The following SOS1 variants were observed in gnomAD, a reference collection of about 807,000 sequenced individuals.
SOS1 encodes SOS Ras/Rac guanine nucleotide exchange factor 1, also known as son of sevenless homolog 1.
Under a neutral mutation model 157.6 loss-of-function variants are expected in SOS1, and 25 were observed. That is an observed-to-expected ratio of 0.16 (90% CI 0.12 to 0.22). SOS1 has a LOEUF of 0.22. Ranked by LOEUF, SOS1 falls within the 10% of genes least tolerant of loss-of-function variation. The probability of loss-of-function intolerance (pLI) is 1.00; values close to 1 mark genes in which losing one functional copy is unlikely to be tolerated. For synonymous variants in SOS1, 528 were observed against 534.0 expected (o/e 0.99, Z 0.16); for missense variants, 1,237 against 1,599.1 (o/e 0.77, Z 3.86).
intron 15 of SOS1, 130 bp downstream of exon 15, chr2:39,010,454 G>A (rs1002878175): frequency 1.7e-5 from 13 of 771,470 alleles, no homozygotes; most frequent in African/African-American, 1.0e-4. Context: ...TCAGTGGGCC[G>A]ATGTGCCACT....
chr2:39,021,252 G>A (rs1179754365), intron 10 of SOS1, among the ~76,000 whole-genome samples: 1 of 151,452 alleles, frequency 6.6e-6, no homozygotes, highest in African/African-American at 2.4e-5. Flanking sequence ...GTATCAGCTT[G>A]TTCCAGTTAA....
intron 2 of SOS1, among the ~76,000 whole-genome samples, chr2:39,064,865 C>T (rs1671541103): frequency 6.9e-6 from 1 of 144,766 alleles, no homozygotes; most frequent in African/African-American, 2.6e-5. Context: ...TCTCCTGCCT[C>T]AGCTCCCAAG....
chr2:39,007,324 A>T, intron 15 of SOS1, 131 bp from the exon 16 acceptor site: 1 of 657,568 alleles, frequency 1.5e-6, no homozygotes. Context: ...TAGAGAAGAC[A>T]CATTCAGGGT....
At chr2:39,065,394 T>C (rs1046193385) in intron 2 of SOS1, among the ~76,000 whole-genome samples, 52 of 152,320 alleles carry the variant, frequency 3.4e-4, no homozygotes, top group African/African-American at 1.2e-3. Flanking sequence ...TCCAACTTTA[T>C]GGTTTACATT....
At chr2:39,074,565 T>A (rs892025738) in intron 1 of SOS1, among the ~76,000 whole-genome samples, 1 of 151,046 alleles carries the variant, frequency 6.6e-6, no homozygotes, top group African/African-American at 2.4e-5. Flanking sequence ...ATAAATAAAA[T>A]AAACTAAAAA....
intron 17 of SOS1, 131 bp downstream of exon 17, chr2:39,006,281 T>C: frequency 1.4e-6 from 1 of 707,148 alleles, no homozygotes; most frequent in South Asian, 1.6e-5. Flanking sequence ...CTAAAGGGCT[T>C]CAGGTGCTAA....
chr2:39,076,237 C>T (rs149397826), intron 1 of SOS1, among the ~76,000 whole-genome samples: 369 of 151,984 alleles, frequency 2.4e-3, no homozygotes, highest in Non-Finnish European at 2.8e-3. Flanking sequence ...CGATCACTAC[C>T]CAAAATACAA....
chr2:39,029,711 T>G (rs1670091491), intron 8 of SOS1, among the ~76,000 whole-genome samples: 1 of 152,218 alleles, frequency 6.6e-6, no homozygotes, highest in African/African-American at 2.4e-5. Context: ...AGTTAGCTGT[T>G]TGTTTACAAT....
At chr2:39,034,773 T>G (rs1175121784) in intron 8 of SOS1, 1 of 455,742 alleles carries the variant, frequency 2.2e-6, no homozygotes, top group Non-Finnish European at 4.4e-6. Context: ...TAAACTAACC[T>G]TCCCCATTAC....
intron 21 of SOS1, among the ~76,000 whole-genome samples, chr2:38,988,482 T>C (rs1351653358): frequency 6.6e-6 from 1 of 152,288 alleles, no homozygotes; most frequent in South Asian, 2.1e-4. Context: ...TTCAAAATTA[T>C]AGTTGGCAGT....
At chr2:39,116,478 C>T (rs1446932938) in intron 1 of SOS1, among the ~76,000 whole-genome samples, 1 of 152,232 alleles carries the variant, frequency 6.6e-6, no homozygotes, top group African/African-American at 2.4e-5. Context: ...AGGCTTCTAA[C>T]TTTTCTCCTC....
At chr2:39,108,909 A>G (rs77710813) in intron 1 of SOS1, among the ~76,000 whole-genome samples, 1 of 149,944 alleles carries the variant, frequency 6.7e-6, no homozygotes, top group Non-Finnish European at 1.5e-5. Context: ...AAAAAAAAAA[A>G]TTATATGGGC....
intron 1 of SOS1, among the ~76,000 whole-genome samples, chr2:39,079,728 C>A (rs572820238): frequency 1.3e-5 from 2 of 152,074 alleles, no homozygotes; most frequent in African/African-American, 4.8e-5. Context: ...CTCCTGACCT[C>A]GTGATCTGCC....
At chr2:39,101,294 G>A (rs1289337405) in intron 1 of SOS1, among the ~76,000 whole-genome samples, 1 of 152,100 alleles carries the variant, frequency 6.6e-6, no homozygotes, top group Non-Finnish European at 1.5e-5. Context: ...TGAGGGACCT[G>A]CCCCATGACC....
Position 39,120,538 on chromosome 2 carries a change from C to G in SOS1, c.-116G>C, listed in dbSNP as rs540265590. ...GCCGCGGCCCCACCGGACGGCCCGG[C>G]CCCCTCCGGGCGCCGCGCAGCCGGG... On this transcript the variant is annotated 5_prime_UTR_variant, in exon 1 of 23. Transcript: ENST00000402219. 1 of 1,090,798 alleles carries G rather than the reference C, an allele frequency of 9.2e-7. No individual in the cohort carries two copies. Among genetic ancestry groups the G allele is most frequent in the Non-Finnish European group, 1.1e-6 (1 of 897,940 alleles). 67.6% of individuals were successfully genotyped at this position (1,090,798 alleles called of 1,614,324 possible).
chr2:39,118,776 C>T (rs1673755822), intron 1 of SOS1, among the ~76,000 whole-genome samples: 2 of 152,214 alleles, frequency 1.3e-5, no homozygotes, highest in Non-Finnish European at 2.9e-5. Flanking sequence ...CAACTAATTA[C>T]ATTTAAAAAT....
In SOS1 at chr2:39,058,808, G is replaced by C. The variant is rs760526154; in HGVS notation, c.214-4C>G. ...GGAAACTTTTTTGAACACGTTCCTT[G>C]GAAAATAGGAAAATAACAACTAAGC... On this transcript the variant is annotated splice_region_variant and splice_polypyrimidine_tract_variant and intron_variant, in intron 2 of 22. Transcript: ENST00000402219. 6.2e-7 allele frequency: 1 copy of C among 1,608,382 alleles called. No homozygotes were observed. Among genetic ancestry groups the C allele is most frequent in the Non-Finnish European group, 8.5e-7 (1 of 1,175,832 alleles).
intron 8 of SOS1, among the ~76,000 whole-genome samples, chr2:39,027,495 T>C (rs1454530888): frequency 6.6e-6 from 1 of 152,200 alleles, no homozygotes; most frequent in African/African-American, 2.4e-5. Flanking sequence ...TCTACCACTT[T>C]TTGCTTCTTT....
At chr2:39,013,725 T>A in intron 12 of SOS1, 142 bp downstream of exon 12, 2 of 889,638 alleles carry the variant, frequency 2.2e-6, no homozygotes, top group Non-Finnish European at 3.7e-6. Flanking sequence ...TACTATAATT[T>A]CTGATAACTG....
Sources: gnomAD v4.1 joint callset for allele counts (sites outside exome capture counted in the v4.1 genomes callset) on GRCh38, gnomAD v4.1.1 for gene constraint, MANE v1.5 for transcripts, NCBI Gene and HGNC (gene_info 2026-07-23, HGNC 2026-07-21) for gene names.